Variants in UBE2E2 observed in about 807,000 individuals in gnomAD.
UBE2E2 encodes ubiquitin conjugating enzyme E2 E2.
A neutral mutation model predicts 24.7 loss-of-function variants in UBE2E2; 6 were observed. The observed-to-expected ratio is 0.24, with a 90% confidence interval of 0.13 to 0.48. The LOEUF (loss-of-function observed/expected upper bound fraction) is 0.48. Ranked by LOEUF, UBE2E2 falls within the 20% of genes least tolerant of loss-of-function variation. The pLI is 0.99. For missense variants in UBE2E2, 169 were observed against 245.0 expected, an observed-to-expected ratio of 0.69 and a Z score of 2.07; for synonymous variants, 104 against 83.6, an observed-to-expected ratio of 1.24 and a Z score of -1.33.
chr3:23,310,559 C>T (rs1694347919), intron 3 of UBE2E2, among the ~76,000 whole-genome samples: 1 of 152,018 alleles, frequency 6.6e-6, no homozygotes, highest in Non-Finnish European at 1.5e-5. Flanking sequence ...TTGGACAAGG[C>T]AGAAGGAAGA....
At chr3:23,415,083 G>T (rs991893591) in intron 3 of UBE2E2, among the ~76,000 whole-genome samples, 1 of 152,152 alleles carries the variant, frequency 6.6e-6, no homozygotes, top group Non-Finnish European at 1.5e-5. Context: ...ACAAGGTTGG[G>T]GAACTTGTAA....
chr3:23,466,061 G>A (rs923133145), intron 3 of UBE2E2, among the ~76,000 whole-genome samples: 1 of 152,002 alleles, frequency 6.6e-6, no homozygotes, highest in Non-Finnish European at 1.5e-5. Flanking sequence ...CCAAAATGTG[G>A]CACATTGTCA....
intron 3 of UBE2E2, among the ~76,000 whole-genome samples, chr3:23,431,966 A>G (rs189349947): frequency 5.3e-5 from 8 of 152,326 alleles, no homozygotes; most frequent in Admixed American, 3.9e-4. Context: ...CAGACAGGTC[A>G]TATGAAACCA....
chr3:23,318,453 A>G (rs761958265), intron 3 of UBE2E2, among the ~76,000 whole-genome samples: 9 of 152,226 alleles, frequency 5.9e-5, no homozygotes, highest in East Asian at 1.9e-4. Flanking sequence ...TAGAGAAACA[A>G]TGTATTGGTC....
At chr3:23,572,923 A>G (rs764819886) in intron 5 of UBE2E2, among the ~76,000 whole-genome samples, 2 of 152,186 alleles carry the variant, frequency 1.3e-5, no homozygotes, top group Non-Finnish European at 1.5e-5. Context: ...GTTGTGTCAA[A>G]TGGTAGTTTT....
At chr3:23,303,275 A>C (rs139206656) in intron 3 of UBE2E2, among the ~76,000 whole-genome samples, 34 of 152,254 alleles carry the variant, frequency 2.2e-4, no homozygotes, top group Non-Finnish European at 4.3e-4. Flanking sequence ...AGTGAGTTGT[A>C]TAATTATTTC....
At chr3:23,229,371 G>A (rs557661964) in intron 3 of UBE2E2, among the ~76,000 whole-genome samples, 39 of 152,244 alleles carry the variant, frequency 2.6e-4, no homozygotes, top group Non-Finnish European at 4.7e-4. Flanking sequence ...GGTGATTTGT[G>A]AGATTTTGGT....
chr3:23,467,041 G>A (rs1698933851), intron 3 of UBE2E2, among the ~76,000 whole-genome samples: 2 of 152,116 alleles, frequency 1.3e-5, no homozygotes, highest in South Asian at 4.1e-4. Flanking sequence ...AAAAGTCTGA[G>A]GTAAAACCCC....
intron 4 of UBE2E2, among the ~76,000 whole-genome samples, chr3:23,513,305 C>T (rs914006324): frequency 6.6e-6 from 1 of 152,064 alleles, no homozygotes; most frequent in Non-Finnish European, 1.5e-5. Flanking sequence ...TCCTCATTGC[C>T]CAGCATTCCC....
At chr3:23,252,345 A>G (rs1438308778) in intron 3 of UBE2E2, among the ~76,000 whole-genome samples, 2 of 152,204 alleles carry the variant, frequency 1.3e-5, no homozygotes, top group African/African-American at 2.4e-5. Context: ...ATGCTGTAAC[A>G]GTGATCTTGA....
Position 23,515,123 on chromosome 3 carries a change from G to C in UBE2E2, c.360+15383G>C, listed in dbSNP as rs990706172. Reference sequence around the variant, plus strand: ...TGTAGGGACAAAATAAACTTGGGGTGTGTGTGTGTGTGTGTGTGTGTGTGT... The same window carrying C: ...TGTAGGGACAAAATAAACTTGGGGTCTGTGTGTGTGTGTGTGTGTGTGTGT... On this transcript the variant is annotated intron_variant, in intron 4 of 5. Transcript: ENST00000396703. Among the ~76,000 whole-genome samples the C allele has an allele frequency of 4.2e-4, 8 of 18,948 alleles. No homozygotes were observed. The South Asian group carries it at 0.014, about 33-fold the overall frequency. The allele number at this position is 18,948 out of a possible 152,430, so 12.4% of individuals were successfully genotyped here.
At chr3:23,390,222 C>T (rs1370108175) in intron 3 of UBE2E2, among the ~76,000 whole-genome samples, 1 of 152,140 alleles carries the variant, frequency 6.6e-6, no homozygotes. Context: ...GAACAGTTAT[C>T]CCTGTTTTCC....
chr3:23,413,113 G>T (rs1243947778), intron 3 of UBE2E2, among the ~76,000 whole-genome samples: 1 of 151,176 alleles, frequency 6.6e-6, no homozygotes, highest in African/African-American at 2.4e-5. Context: ...GAGTTAATGG[G>T]TGCAGCACAC....
At chr3:23,569,993 C>T (rs1363137289) in intron 5 of UBE2E2, among the ~76,000 whole-genome samples, 1 of 152,182 alleles carries the variant, frequency 6.6e-6, no homozygotes, top group East Asian at 1.9e-4. Context: ...TATCCCTTAA[C>T]AATATCTAGC....
intron 3 of UBE2E2, among the ~76,000 whole-genome samples, chr3:23,387,130 T>C (rs1696821142): frequency 1.3e-5 from 2 of 152,238 alleles, no homozygotes; most frequent in Admixed American, 6.5e-5. Context: ...GACGCACATA[T>C]GCAGATGCTA....
At chr3:23,443,759 CA>C (rs1391501605) in intron 3 of UBE2E2, among the ~76,000 whole-genome samples, 19 of 152,242 alleles carry the variant, frequency 1.2e-4, no homozygotes, top group Admixed American at 1.2e-3. Flanking sequence ...AAAAGATGCC[CA>C]GTATAATACA....
At chr3:23,262,267 A>G (rs1288978962) in intron 3 of UBE2E2, among the ~76,000 whole-genome samples, 1 of 151,984 alleles carries the variant, frequency 6.6e-6, no homozygotes, top group Non-Finnish European at 1.5e-5. Context: ...AAAAATGTGT[A>G]TTCAGGGCTC....
chr3:23,372,786 C>T (rs932587701), intron 3 of UBE2E2, among the ~76,000 whole-genome samples: 1 of 152,062 alleles, frequency 6.6e-6, no homozygotes, highest in Non-Finnish European at 1.5e-5. Flanking sequence ...TATATAAGAA[C>T]TATATAGATA....
In UBE2E2 at chr3:23,532,561, T is replaced by G; in HGVS notation, c.368T>G (p.Phe123Cys). The G allele has an allele frequency of 6.6e-7, 1 of 1,520,740 alleles. No homozygotes were observed. Among genetic ancestry groups the G allele is most frequent in the Non-Finnish European group, 9.0e-7 (1 of 1,116,068 alleles). The allele number at this position is 1,520,740 out of a possible 1,614,324, so 94.2% of individuals were successfully genotyped here. ...DYPFKPPKVT[F>C]RTRIYHCNIN... ...CTTTACATTTTCTTGTAGGTTACCT[T>G]CCGAACAAGAATCTATCACTGTAAT... The change falls in exon 5 of 6, where the codon TTC becomes TGC. Residue 123 changes from phenylalanine (F) to cysteine (C), a missense_variant. Around this residue, in one of 2 missense-constraint regions of UBE2E2, gnomAD observed 105 missense variants for 180.7 expected, o/e 0.58. Coordinates refer to ENST00000396703, the MANE Select transcript of UBE2E2 (RefSeq NM_152653.4).
Sources: gnomAD v4.1 joint callset for allele counts (sites outside exome capture counted in the v4.1 genomes callset) on GRCh38, gnomAD v4.1.1 for gene constraint, gnomAD v4.1.1 regional missense constraint, MANE v1.5 for transcripts, NCBI Gene and HGNC (gene_info 2026-07-23, HGNC 2026-07-21) for gene names.